Variants in LRRC52 observed in about 807,000 individuals in gnomAD.
LRRC52 encodes the protein leucine rich repeat containing 52.
LRRC52 carries 15 observed loss-of-function variants against 14.7 expected under a neutral mutation model. The observed-to-expected ratio is 1.02, with a 90% CI of 0.68 to 1.58. LRRC52 has a LOEUF of 1.58. Among genes scored for constraint, LRRC52 ranks in the 40% most tolerant of loss-of-function variants. The pLI, the probability that LRRC52 is intolerant of heterozygous loss-of-function variation, is 0.00. For missense variants in LRRC52, 400 were observed against 387.7 expected (o/e 1.03, Z -0.27); for synonymous variants, 180 against 163.9 (o/e 1.10, Z -0.75).
intron 1 of LRRC52, 30 bp from the exon 2 acceptor site, chr1:165,563,475 G>A (rs894103609): frequency 8.2e-6 from 13 of 1,582,594 alleles, no homozygotes; most frequent in Non-Finnish European, 1.1e-5. Flanking sequence ...CGCTGTTTCA[G>A]CACCCTGCCT....
At chr1:165,552,709 ATGTG>A (rs1661158317) in intron 1 of LRRC52, among the ~76,000 whole-genome samples, 15 of 152,204 alleles carry the variant, frequency 9.9e-5, no homozygotes, top group Admixed American at 9.2e-4. Flanking sequence ...TAATTAATAA[ATGTG>A]TATTCATTTA....
chr1:165,546,298 C>G (rs1453035004), intron 1 of LRRC52, among the ~76,000 whole-genome samples: 5 of 152,162 alleles, frequency 3.3e-5, no homozygotes, highest in African/African-American at 9.7e-5. Context: ...CTGCCAGATA[C>G]CTCAACTTGA....
chr1:165,545,083 G>C (rs1421929414), intron 1 of LRRC52, among the ~76,000 whole-genome samples, 165 bp downstream of exon 1: 1 of 152,106 alleles, frequency 6.6e-6, no homozygotes, highest in Admixed American at 6.5e-5. Context: ...GTAGCAGTAA[G>C]AAAAAGTTCT....
At chr1:165,552,426 G>A (rs996960342) in intron 1 of LRRC52, among the ~76,000 whole-genome samples, 2 of 152,148 alleles carry the variant, frequency 1.3e-5, no homozygotes, top group African/African-American at 4.8e-5. Context: ...AAAAGAATGG[G>A]GGCCCAGCTA....
At chr1:165,563,365 C>A (rs544334811) in intron 1 of LRRC52, 140 bp from the exon 2 acceptor site, 1 of 686,464 alleles carries the variant, frequency 1.5e-6, no homozygotes, top group Middle Eastern at 4.0e-4. Flanking sequence ...TAACAAGGTC[C>A]AGGTGATGTC....
rs1325588166 is a variant in LRRC52, at chr1:165,544,209, C to G, written c.-88C>G. On this transcript the variant is annotated 5_prime_UTR_variant, in exon 1 of 2. Coordinates refer to ENST00000294818, the MANE Select transcript of LRRC52 (RefSeq NM_001005214.4). The stretch of plus-strand genomic sequence containing the variant: ...TGTTACAGTTCTTTCCAGAGCCCCT[C>G]CCCCGCCCCACCCCCCCACCGGCAG... 6 of 926,434 alleles carry G rather than the reference C, an allele frequency of 6.5e-6. 1 individual carries two copies. The African/African-American group carries it at 8.2e-5, about 13-fold the overall frequency. 57.4% of individuals were successfully genotyped at this position (926,434 alleles called of 1,614,324 possible).
chr1:165,556,209 G>A (rs557267924), intron 1 of LRRC52, among the ~76,000 whole-genome samples: 1 of 152,290 alleles, frequency 6.6e-6, no homozygotes, highest in African/African-American at 2.4e-5. Flanking sequence ...AAAGCTTTTT[G>A]CCTCTGAATC....
intron 1 of LRRC52, among the ~76,000 whole-genome samples, chr1:165,555,811 G>T (rs949751505): frequency 2.0e-5 from 3 of 152,252 alleles, no homozygotes; most frequent in African/African-American, 7.2e-5. Flanking sequence ...GGTGAATGAT[G>T]GTGCCCTTCG....
chr1:165,561,021 A>C (rs1661329218), intron 1 of LRRC52, among the ~76,000 whole-genome samples: 1 of 152,060 alleles, frequency 6.6e-6, no homozygotes, highest in Non-Finnish European at 1.5e-5. Context: ...TGGGAAAAGG[A>C]AACAATGGAG....
chr1:165,554,356 C>T (rs895827138), intron 1 of LRRC52, among the ~76,000 whole-genome samples: 12 of 151,996 alleles, frequency 7.9e-5, no homozygotes, highest in African/African-American at 2.2e-4. Flanking sequence ...TTGAGGGGGA[C>T]GTTAAAGCTT....
chr1:165,550,804 A>C (rs1163034029), intron 1 of LRRC52, among the ~76,000 whole-genome samples: 1 of 152,202 alleles, frequency 6.6e-6, no homozygotes, highest in Non-Finnish European at 1.5e-5. Flanking sequence ...GGATACGAGA[A>C]ACAGAAAATA....
intron 1 of LRRC52, among the ~76,000 whole-genome samples, chr1:165,558,844 G>A (rs892453120): frequency 6.6e-6 from 1 of 152,160 alleles, no homozygotes; most frequent in Non-Finnish European, 1.5e-5. Context: ...GCTACATACT[G>A]CTTACAAAAA....
chr1:165,544,706 A>G lies in LRRC52; in HGVS notation c.410A>G (p.His137Arg). Residue 137 changes from histidine to arginine, a missense_variant, in exon 1 of 2, where the codon CAC becomes CGC. Transcript: ENST00000294818. ...LVQLNIANNPHLLSLHKFTFA... is the reference protein window; with the variant it reads ...LVQLNIANNPRLLSLHKFTFA... ...CAGCTGAACATTGCCAACAACCCTC[A>G]CCTGTTATCGCTTCACAAGTTCACC... 1 of 1,612,464 alleles carries G rather than the reference A, an allele frequency of 6.2e-7. No individual in the cohort carries two copies. The highest frequency in any genetic ancestry group is 8.5e-7 in the Non-Finnish European group (1 of 1,179,514).
intron 1 of LRRC52, among the ~76,000 whole-genome samples, chr1:165,549,411 A>G (rs563868083): frequency 2.6e-5 from 4 of 152,326 alleles, no homozygotes; most frequent in East Asian, 1.9e-4. Flanking sequence ...TTTTGCCCCA[A>G]TGTGTCCCTA....
rs1425734703 is a variant in LRRC52, at chr1:165,544,745, C to G, written c.449C>G (p.Thr150Ser). 6.2e-7 allele frequency: 1 copy of G among 1,614,032 alleles called. No individual in the cohort carries two copies. Among genetic ancestry groups the G allele is most frequent in the Non-Finnish European group, 8.5e-7 (1 of 1,180,050 alleles). The change falls in exon 1 of 2, where the codon ACC (threonine) becomes AGC (serine). Residue 150 changes from threonine to serine, a missense_variant. By Grantham distance (58) the Thr-to-Ser change is moderately conservative (BLOSUM62 1). Coordinates refer to ENST00000294818, the MANE Select transcript of LRRC52 (RefSeq NM_001005214.4). Reference protein sequence around the residue: ...SLHKFTFANTTSLRYLDLRNT... With the variant: ...SLHKFTFANTSSLRYLDLRNT... ...CACAAGTTCACCTTTGCCAACACCA[C>G]CTCTTTGAGGTACCTGGACCTCAGA...
chr1:165,544,423 C>T lies in LRRC52; in HGVS notation c.127C>T (p.Gln43Ter), dbSNP rs376485734. Residue 43 changes from glutamine (Q) to a stop codon, truncating the protein, a stop_gained, in exon 1 of 2, where the codon CAG becomes TAG. Transcript: ENST00000294818. LOFTEE classifies it high-confidence loss of function. ...CCAAGAAGTAATCTGCACAGGGAAG[C>T]AGTTAACCGAATACCCCCTTGACAT... ...QAQEVICTGK[Q>*]LTEYPLDIPL... 1 of 1,614,022 alleles carries T rather than the reference C, an allele frequency of 6.2e-7. No individual in the cohort carries two copies. Among genetic ancestry groups the T allele is most frequent in the Admixed American group, 1.7e-5 (1 of 59,998 alleles).
chr1:165,561,046 A>C (rs1661330167), intron 1 of LRRC52, among the ~76,000 whole-genome samples: 1 of 152,248 alleles, frequency 6.6e-6, no homozygotes, highest in Non-Finnish European at 1.5e-5. Flanking sequence ...GGAGCCCGGG[A>C]GGGGAGAGCC....
intron 1 of LRRC52, 127 bp from the exon 2 acceptor site, chr1:165,563,378 T>C (rs1661388173): frequency 1.3e-6 from 1 of 761,622 alleles, no homozygotes; most frequent in African/African-American, 1.8e-5. Flanking sequence ...GTGATGTCGA[T>C]GCTGCTGGCC....
chr1:165,559,421 A>G lies in LRRC52; in HGVS notation c.623-4084A>G, dbSNP rs1264582209. Among the ~76,000 whole-genome samples the G allele has an allele frequency of 4.6e-5, 7 of 152,336 alleles. No individual in the cohort carries two copies. The South Asian group carries it at 1.4e-3, about 32-fold the overall frequency. On this transcript the variant is annotated intron_variant, in intron 1 of 1. Transcript: ENST00000294818. ...AAAAAATTGTGAAGCAAAACTTGAA[A>G]GAACTATATGGAGCAGACCAATGCA...
Sources: allele counts gnomAD v4.1 joint callset (sites outside exome capture counted in the v4.1 genomes callset), GRCh38; gene constraint gnomAD v4.1.1; transcripts MANE v1.5; gene names NCBI Gene and HGNC (gene_info 2026-07-23, HGNC 2026-07-21).